The following CCDC102B variants were observed in gnomAD, a reference collection of about 807,000 sequenced individuals.
The protein encoded by CCDC102B is coiled-coil domain containing 102B, also known as coiled-coil domain-containing protein 102B.
A neutral mutation model predicts 57.4 loss-of-function variants in CCDC102B; 75 were observed. The ratio of observed to expected loss-of-function variants is 1.31; its 90% CI spans 1.08 to 1.58. The LOEUF is 1.58. CCDC102B is among the 40% of genes most tolerant of loss of function. CCDC102B has a pLI of 0.00. For synonymous variants in CCDC102B, 206 were observed against 201.9 expected (o/e 1.02, Z -0.17); for missense variants, 636 against 582.6 (o/e 1.09, Z -0.94).
intron 2 of CCDC102B, among the ~76,000 whole-genome samples, chr18:68,756,562 T>C (rs1371349308): frequency 2.0e-5 from 3 of 152,224 alleles, no homozygotes; most frequent in Non-Finnish European, 4.4e-5. Flanking sequence ...TAGACAATGC[T>C]AGTTGTAAAC....
At chr18:68,784,244 A>C (rs963717041) in intron 2 of CCDC102B, among the ~76,000 whole-genome samples, 4 of 152,144 alleles carry the variant, frequency 2.6e-5, no homozygotes, top group Non-Finnish European at 5.9e-5. Flanking sequence ...GCGCTCAGAA[A>C]AGCTTCCAGT....
At chr18:68,934,415 G>C (rs1180686413) in intron 6 of CCDC102B, among the ~76,000 whole-genome samples, 2 of 151,892 alleles carry the variant, frequency 1.3e-5, no homozygotes, top group African/African-American at 4.8e-5. Flanking sequence ...ATTGTAGCAT[G>C]TGTGTTTTCT....
intron 6 of CCDC102B, among the ~76,000 whole-genome samples, chr18:68,987,904 T>C (rs2050764374): frequency 6.6e-6 from 1 of 152,068 alleles, no homozygotes; most frequent in African/African-American, 2.4e-5. Flanking sequence ...AACCTGCTCT[T>C]GAGGCTGCAG....
chr18:69,028,324 A>G (rs1444152231), intron 7 of CCDC102B, among the ~76,000 whole-genome samples: 1 of 152,206 alleles, frequency 6.6e-6, no homozygotes, highest in Non-Finnish European at 1.5e-5. Flanking sequence ...GTAAGTTTCA[A>G]GACGGAATGA....
chr18:68,964,959 T>A (rs971260987), intron 6 of CCDC102B, among the ~76,000 whole-genome samples: 1 of 152,040 alleles, frequency 6.6e-6, no homozygotes, highest in Non-Finnish European at 1.5e-5. Flanking sequence ...GTCTTTTGAA[T>A]TACTATTTCC....
At chr18:68,745,266 T>C (rs898821675) in intron 2 of CCDC102B, among the ~76,000 whole-genome samples, 2 of 151,810 alleles carry the variant, frequency 1.3e-5, no homozygotes, top group Non-Finnish European at 2.9e-5. Context: ...GCCCATGTTA[T>C]GCATGTAGGG....
intron 2 of CCDC102B, among the ~76,000 whole-genome samples, chr18:68,736,127 T>C (rs1413482745): frequency 6.6e-6 from 1 of 152,162 alleles, no homozygotes; most frequent in South Asian, 2.1e-4. Context: ...TGGAGAGGAA[T>C]TTTTAGGATT....
intron 2 of CCDC102B, among the ~76,000 whole-genome samples, chr18:68,747,594 C>G (rs182124716): frequency 1.8e-3 from 278 of 152,202 alleles, no homozygotes; most frequent in Non-Finnish European, 2.6e-3. Context: ...ATTATAGACA[C>G]TTTATGTACA....
At chr18:69,002,760 A>T (rs2051239410) in intron 6 of CCDC102B, among the ~76,000 whole-genome samples, 1 of 152,126 alleles carries the variant, frequency 6.6e-6, no homozygotes, top group Non-Finnish European at 1.5e-5. Context: ...AACGACGTAT[A>T]CTTCACTGTC....
intron 6 of CCDC102B, among the ~76,000 whole-genome samples, chr18:68,936,208 A>T (rs201755406): frequency 2.6e-5 from 2 of 76,726 alleles, no homozygotes; most frequent in Non-Finnish European, 3.4e-5. Flanking sequence ...ATGCCAAAAT[A>T]AAAAAAAAAA....
intron 7 of CCDC102B, 82 bp from the exon 8 acceptor site, chr18:69,053,948 A>G: frequency 9.2e-7 from 1 of 1,084,960 alleles, no homozygotes; most frequent in Non-Finnish European, 1.3e-6. Context: ...TAAGAATATG[A>G]TAAGATGTTA....
intron 2 of CCDC102B, among the ~76,000 whole-genome samples, chr18:68,761,839 T>C (rs1162974115): frequency 6.6e-6 from 1 of 152,152 alleles, no homozygotes; most frequent in East Asian, 1.9e-4. Flanking sequence ...TTGACTTATT[T>C]TTAAAATCGT....
rs999779449 is a variant in CCDC102B at position 68,737,105 on chromosome 18, G to A, written c.-67+20511G>A. Among the ~76,000 whole-genome samples the A allele has an allele frequency of 2.6e-5, 4 of 151,838 alleles. 1 individual carries two copies. The highest frequency in any genetic ancestry group is 4.4e-5 in the Non-Finnish European group (3 of 67,960). ...AGGGTTGGGAGGAGTAGTCTCAAAG[G>A]CAAAGTGGTTCCTGTTTGTCTGAGG... On this transcript the variant is annotated intron_variant, in intron 2 of 3. Transcript: ENST00000578970.
chr18:68,926,970 A>G (rs2041494239), intron 6 of CCDC102B, among the ~76,000 whole-genome samples: 1 of 152,032 alleles, frequency 6.6e-6, no homozygotes, highest in Non-Finnish European at 1.5e-5. Flanking sequence ...AGATTTTTAC[A>G]AGTCAGATAA....
chr18:69,005,004 T>C (rs1177596212), intron 6 of CCDC102B, among the ~76,000 whole-genome samples: 1 of 152,228 alleles, frequency 6.6e-6, no homozygotes, highest in African/African-American at 2.4e-5. Context: ...TTGAATTTAT[T>C]CTTGTTGAAG....
chr18:68,859,954 A>T (rs1341263102), intron 4 of CCDC102B, among the ~76,000 whole-genome samples: 1 of 92,496 alleles, frequency 1.1e-5, no homozygotes, highest in Non-Finnish European at 2.6e-5. Context: ...AATACTGGGT[A>T]TATACCCAAA....
intron 6 of CCDC102B, among the ~76,000 whole-genome samples, chr18:68,986,462 G>T (rs748735562): frequency 1.3e-5 from 2 of 152,054 alleles, no homozygotes; most frequent in African/African-American, 2.4e-5. Flanking sequence ...GATAAAAACC[G>T]TCAACAGAAT....
intron 4 of CCDC102B, chr18:68,866,731 C>T (rs1195638391): frequency 3.5e-6 from 2 of 568,012 alleles, no homozygotes; most frequent in Non-Finnish European, 6.9e-6. Flanking sequence ...CATTTGCCAC[C>T]GTGGGTCTGG....
chr18:68,763,052 C>T (rs917818778), intron 2 of CCDC102B, among the ~76,000 whole-genome samples: 6 of 152,010 alleles, frequency 3.9e-5, no homozygotes, highest in Non-Finnish European at 5.9e-5. Context: ...ATATTTTAGA[C>T]GTGATTTTAT....
Sources: gnomAD v4.1 joint callset for allele counts (sites outside exome capture counted in the v4.1 genomes callset) on GRCh38, gnomAD v4.1.1 for gene constraint, MANE v1.5 for transcripts, NCBI Gene and HGNC (gene_info 2026-07-23, HGNC 2026-07-21) for gene names.